POLD3: variants seen among roughly 807,000 people sequenced by gnomAD.
The protein encoded by POLD3 is DNA polymerase delta 3, accessory subunit.
A neutral mutation model predicts 58.2 loss-of-function variants in POLD3; 19 were observed. That is an observed-to-expected ratio of 0.33 (90% CI 0.23 to 0.48). The LOEUF is 0.48. POLD3 is among the 20% of genes least tolerant of loss of function. The pLI is 0.99. For missense variants in POLD3, 504 were observed against 545.5 expected (o/e 0.92, Z 0.76); for synonymous variants, 172 against 193.5 (o/e 0.89, Z 0.92).
chr11:74,655,968 T>C (rs888741658), intron 4 of POLD3, among the ~76,000 whole-genome samples: 7 of 152,194 alleles, frequency 4.6e-5, no homozygotes, highest in Non-Finnish European at 8.8e-5. Context: ...AGGGCTAATA[T>C]GTGAATTTAG....
Position 74,618,814 on chromosome 11 carries a change from C to T in POLD3, c.660+10C>T. On this transcript the variant is annotated intron_variant, in intron 6 of 11. Coordinates refer to ENST00000263681, the MANE Select transcript of POLD3 (RefSeq NM_006591.3). ...TAAAGAAGTAACAAATGTAAGTCTT[C>T]TTTGAAGATACCCCTTCATTGCAGC... The T allele has an allele frequency of 3.1e-6, 5 of 1,604,042 alleles. No individual in the cohort carries two copies. Among genetic ancestry groups the T allele is most frequent in the Non-Finnish European group, 4.3e-6 (5 of 1,172,618 alleles).
intron 4 of POLD3, among the ~76,000 whole-genome samples, chr11:74,665,431 C>T (rs1427463403): frequency 8.9e-6 from 1 of 111,778 alleles, no homozygotes; most frequent in Non-Finnish European, 1.7e-5. Context: ...GAGTCTTGCT[C>T]TGTCACCCAG....
At chr11:74,653,083 A>G (rs575267912) in intron 4 of POLD3, among the ~76,000 whole-genome samples, 1 of 152,316 alleles carries the variant, frequency 6.6e-6, no homozygotes, top group African/African-American at 2.4e-5. Flanking sequence ...AATACCTTCA[A>G]TTTTTGGACC....
intron 5 of POLD3, among the ~76,000 whole-genome samples, chr11:74,616,166 T>A (rs2032074056): frequency 6.6e-6 from 1 of 152,138 alleles, no homozygotes; most frequent in Non-Finnish European, 1.5e-5. Context: ...CAAAATGAAA[T>A]CTGCCAGGGC....
chr11:74,655,422 C>A (rs1461250928), intron 4 of POLD3, among the ~76,000 whole-genome samples: 1 of 152,192 alleles, frequency 6.6e-6, no homozygotes, highest in Non-Finnish European at 1.5e-5. Flanking sequence ...ACTATATTAT[C>A]TAAAATATCC....
At chr11:74,633,732 A>G (rs1299584664) in intron 9 of POLD3, among the ~76,000 whole-genome samples, 1 of 152,142 alleles carries the variant, frequency 6.6e-6, no homozygotes, top group Non-Finnish European at 1.5e-5. Flanking sequence ...GGTGGTGCTC[A>G]TTTCTTGGGT....
chr11:74,658,805 T>C (rs1403734473), intron 4 of POLD3, among the ~76,000 whole-genome samples: 1 of 152,224 alleles, frequency 6.6e-6, no homozygotes, highest in East Asian at 1.9e-4. Context: ...TCCACCCCTG[T>C]GGCTTTGCAG....
intron 4 of POLD3, among the ~76,000 whole-genome samples, chr11:74,664,335 TAGC>T (rs1315851741): frequency 1.3e-5 from 2 of 152,316 alleles, no homozygotes; most frequent in East Asian, 3.9e-4. Flanking sequence ...CTAATGTTCA[TAGC>T]AGCTTTATTC....
At chr11:74,621,648 T>C (rs1378153220) in intron 7 of POLD3, among the ~76,000 whole-genome samples, 1 of 152,092 alleles carries the variant, frequency 6.6e-6, no homozygotes, top group East Asian at 1.9e-4. Context: ...GCAGTGGTGA[T>C]ACAATAGAGG....
At position 74,641,765 on chromosome 11, in the gene POLD3, A is replaced by G. The variant is rs1338129503; in HGVS notation, c.*999A>G. The G allele has an allele frequency of 2.0e-6, 2 of 985,182 alleles. No individual in the cohort carries two copies. Among genetic ancestry groups the G allele is most frequent in the Admixed American group, 6.1e-5 (1 of 16,268 alleles). The allele number at this position is 985,182 out of a possible 1,614,324, so 61.0% of individuals were successfully genotyped here. A position where few individuals can be genotyped will look rare whatever the true frequency, so the allele number is the denominator to read the frequency against. On this transcript the variant is annotated 3_prime_UTR_variant, in exon 12 of 12. Transcript: ENST00000263681. ...AGTTAGTGAGGAAGATAAGGCACACATTTATTTATAAATGGATGTTGCTCC... is the reference window on the plus strand; with the variant it reads ...AGTTAGTGAGGAAGATAAGGCACACGTTTATTTATAAATGGATGTTGCTCC...
intron 4 of POLD3, among the ~76,000 whole-genome samples, chr11:74,648,269 A>G (rs1461024423): frequency 1.3e-5 from 2 of 152,168 alleles, no homozygotes; most frequent in Non-Finnish European, 1.5e-5. Flanking sequence ...AAACCACACC[A>G]GTGGACTATA....
intron 5 of POLD3, among the ~76,000 whole-genome samples, chr11:74,614,331 TC>T: frequency 6.6e-6 from 1 of 152,170 alleles, no homozygotes. Context: ...GTGGCAGTAA[TC>T]CAGGTGGATA....
chr11:74,613,276 C>T (rs1387093476), intron 5 of POLD3, among the ~76,000 whole-genome samples: 1 of 151,890 alleles, frequency 6.6e-6, no homozygotes, highest in Non-Finnish European at 1.5e-5. Context: ...CGTGCCCTCT[C>T]TAACTCCCTT....
intron 1 of POLD3, 50 bp downstream of exon 1, chr11:74,592,768 C>G (rs759128834): frequency 1.9e-6 from 3 of 1,608,388 alleles, no homozygotes; most frequent in Non-Finnish European, 2.5e-6. Context: ...GGTCCTGGGC[C>G]CGGCTAGGGC....
intron 7 of POLD3, among the ~76,000 whole-genome samples, chr11:74,623,014 GA>G (rs1400489448): frequency 7.9e-5 from 12 of 152,222 alleles, no homozygotes; most frequent in South Asian, 2.1e-4. Flanking sequence ...AAAAAGTAAT[GA>G]AGTACAGATG....
intron 2 of POLD3, among the ~76,000 whole-genome samples, chr11:74,596,030 AT>A (rs55653832): frequency 0.85 from 113,279 of 133,780 alleles, 48,053 homozygotes; most frequent in African/African-American, 0.96. Context: ...TTTTAATCTT[AT>A]TTTTTTTTTT....
chr11:74,607,337 A>T (rs1185009523), intron 3 of POLD3, among the ~76,000 whole-genome samples: 1 of 150,322 alleles, frequency 6.7e-6, no homozygotes, highest in Non-Finnish European at 1.5e-5. Context: ...AACTCAGCTC[A>T]CTGCAAGCTC....
chr11:74,659,433 A>G (rs1398185667), intron 4 of POLD3, among the ~76,000 whole-genome samples: 2 of 152,128 alleles, frequency 1.3e-5, no homozygotes, highest in East Asian at 1.9e-4. Flanking sequence ...ACTCCTTACT[A>G]CTTTTGCAAA....
intron 4 of POLD3, among the ~76,000 whole-genome samples, chr11:74,649,135 A>G (rs1367605379): frequency 1.3e-5 from 2 of 152,190 alleles, no homozygotes; most frequent in African/African-American, 4.8e-5. Flanking sequence ...ACACACACTG[A>G]TTCAGACCTG....
Sources: gnomAD v4.1 joint callset for allele counts (sites outside exome capture counted in the v4.1 genomes callset) on GRCh38, gnomAD v4.1.1 for gene constraint, MANE v1.5 for transcripts, NCBI Gene and HGNC (gene_info 2026-07-23, HGNC 2026-07-21) for gene names.